The following MCU variants were observed in gnomAD, a reference collection of about 807,000 sequenced individuals.
MCU encodes calcium uniporter protein, mitochondrial.
In MCU, 12 loss-of-function variants were observed where a neutral mutation model predicts 45.2. The ratio of observed to expected loss-of-function variants is 0.27; its 90% CI spans 0.17 to 0.43. The LOEUF is 0.43. Among genes scored for constraint, MCU ranks in the 20% least tolerant of loss-of-function variants. The pLI, the probability that MCU is intolerant of heterozygous loss-of-function variation, is 1.00. For missense variants in MCU, 324 were observed against 436.7 expected (o/e 0.74, Z 2.30); for synonymous variants, 160 against 165.1 (o/e 0.97, Z 0.24).
At chr10:72,794,120 A>G (rs1180594200) in intron 1 of MCU, among the ~76,000 whole-genome samples, 1 of 152,140 alleles carries the variant, frequency 6.6e-6, no homozygotes, top group Non-Finnish European at 1.5e-5. Context: ...TTTTTTAATT[A>G]AAAAAATAAA....
Position 72,860,540 on chromosome 10 carries a change from C to G in MCU, c.496+13C>G. On this transcript the variant is annotated intron_variant, in intron 4 of 7. Coordinates refer to ENST00000373053, the MANE Select transcript of MCU (RefSeq NM_138357.3). ...CCACCAAAAAGAGGTAAAATAGTAACCTTGGTAAGGTCACAGAAATGTGGG... is the reference window on the plus strand; with the variant it reads ...CCACCAAAAAGAGGTAAAATAGTAAGCTTGGTAAGGTCACAGAAATGTGGG... 1 of 1,596,510 alleles carries G rather than the reference C, an allele frequency of 6.3e-7. No homozygotes were observed.
intron 1 of MCU, among the ~76,000 whole-genome samples, chr10:72,831,313 G>A (rs1204846368): frequency 1.3e-5 from 2 of 152,078 alleles, no homozygotes; most frequent in African/African-American, 4.8e-5. Context: ...TAGATACGTA[G>A]GTTAGAGCGA....
intron 1 of MCU, among the ~76,000 whole-genome samples, chr10:72,740,017 A>G (rs982985341): frequency 7.2e-5 from 11 of 151,896 alleles, no homozygotes; most frequent in Non-Finnish European, 8.8e-5. Flanking sequence ...GATCCCATCA[A>G]TCATTGTCTT....
chr10:72,763,395 G>C (rs1291372925), intron 1 of MCU, among the ~76,000 whole-genome samples: 1 of 152,102 alleles, frequency 6.6e-6, no homozygotes, highest in African/African-American at 2.4e-5. Context: ...GGGTGAAGCG[G>C]GAGTATGAGT....
At chr10:72,758,611 T>G (rs1017423651) in intron 1 of MCU, among the ~76,000 whole-genome samples, 7 of 152,170 alleles carry the variant, frequency 4.6e-5, no homozygotes, top group Non-Finnish European at 1.0e-4. Flanking sequence ...TTAATTTACT[T>G]CAGGCTGCTT....
chr10:72,692,736 T>TGTGCCAGGAGAGTGGCA, intron 1 of MCU: 1 of 1,285,426 alleles, frequency 7.8e-7, no homozygotes. Context: ...CCGCCTTGTG[T>TGTGCCAGGAGAGTGGCA]GTGCCAGGAG....
At chr10:72,804,957 G>C (rs986468424) in intron 1 of MCU, among the ~76,000 whole-genome samples, 6 of 151,938 alleles carry the variant, frequency 3.9e-5, no homozygotes, top group Non-Finnish European at 8.8e-5. Context: ...TTTTTGTAGA[G>C]ATGAGGATTT....
At chr10:72,840,217 T>C (rs1001313041) in intron 2 of MCU, among the ~76,000 whole-genome samples, 4 of 152,214 alleles carry the variant, frequency 2.6e-5, no homozygotes, top group Non-Finnish European at 5.9e-5. Flanking sequence ...CAATCTTGAT[T>C]ATAGACACTC....
intron 1 of MCU, among the ~76,000 whole-genome samples, chr10:72,813,708 C>T (rs1844581471): frequency 6.6e-6 from 1 of 152,094 alleles, no homozygotes; most frequent in Non-Finnish European, 1.5e-5. Context: ...ATCTGCCCGC[C>T]TCAGCCTCCC....
intron 6 of MCU, among the ~76,000 whole-genome samples, chr10:72,879,721 C>A (rs1176541645): frequency 1.3e-5 from 2 of 152,062 alleles, no homozygotes; most frequent in East Asian, 3.9e-4. Flanking sequence ...ATAATAAACT[C>A]TTATGGAATT....
intron 1 of MCU, among the ~76,000 whole-genome samples, chr10:72,749,146 A>G (rs779191254): frequency 3.3e-5 from 5 of 151,130 alleles, no homozygotes; most frequent in Non-Finnish European, 7.4e-5. Flanking sequence ...TTTGCCAGTC[A>G]TGGTGGCACA....
chr10:72,711,049 G>C (rs551452653), intron 1 of MCU, among the ~76,000 whole-genome samples: 2 of 151,650 alleles, frequency 1.3e-5, no homozygotes, highest in Non-Finnish European at 2.9e-5. Flanking sequence ...CATGGTGGTG[G>C]GCGCCTGTAA....
rs111775405 is a variant in MCU, at chr10:72,819,525, G to A, written c.151-14834G>A. On this transcript the variant is annotated intron_variant, in intron 1 of 7. Transcript: ENST00000373053. The stretch of plus-strand genomic sequence containing the variant: ...CAAGGGGAAAGTTTTTACATTCAAG[G>A]AGCTTACAATATTCTAAGTATTTAT... 7.2e-4 allele frequency among the ~76,000 whole-genome samples: 109 copies of A among 152,138 alleles called. 1 individual carries two copies. The Middle Eastern group carries it at 0.014, about 19-fold the overall frequency.
At chr10:72,823,798 G>A (rs141072551) in intron 1 of MCU, among the ~76,000 whole-genome samples, 488 of 152,246 alleles carry the variant, frequency 3.2e-3, no homozygotes, top group African/African-American at 0.011. Flanking sequence ...AGTGCCTCAC[G>A]GCTGTAATCC....
At chr10:72,703,640 C>A (rs1842784391) in intron 1 of MCU, among the ~76,000 whole-genome samples, 1 of 152,128 alleles carries the variant, frequency 6.6e-6, no homozygotes, top group African/African-American at 2.4e-5. Flanking sequence ...CATGGTGGCT[C>A]ACACCTGTAA....
At chr10:72,720,393 C>A (rs183503574) in intron 1 of MCU, among the ~76,000 whole-genome samples, 1 of 152,170 alleles carries the variant, frequency 6.6e-6, no homozygotes, top group Non-Finnish European at 1.5e-5. Flanking sequence ...CCAGTTGTAA[C>A]CTCTGTCTCC....
At chr10:72,864,616 A>G (rs1262738404) in intron 4 of MCU, among the ~76,000 whole-genome samples, 1 of 152,174 alleles carries the variant, frequency 6.6e-6, no homozygotes, top group Non-Finnish European at 1.5e-5. Flanking sequence ...TTCATTAATT[A>G]TGTTATTGGT....
At chr10:72,843,256 T>C (rs1845072772) in intron 2 of MCU, among the ~76,000 whole-genome samples, 1 of 152,216 alleles carries the variant, frequency 6.6e-6, no homozygotes, top group Non-Finnish European at 1.5e-5. Context: ...TGTTATAGTA[T>C]CACACAGAGG....
rs1254784560 is a variant in MCU at position 72,705,583 on chromosome 10, T to G, written c.150+13282T>G. On this transcript the variant is annotated intron_variant, in intron 1 of 7. Coordinates refer to ENST00000373053, the MANE Select transcript of MCU (RefSeq NM_138357.3). Reference sequence around the variant, plus strand: ...CTGTAATCCCAGCACTTTGGGAGGCTGAGGCGGGCGGATCACCTAAAGTCG... The same window carrying G: ...CTGTAATCCCAGCACTTTGGGAGGCGGAGGCGGGCGGATCACCTAAAGTCG... Among the ~76,000 whole-genome samples the G allele has an allele frequency of 5.9e-5, 9 of 152,130 alleles. No homozygotes were observed. The South Asian group carries it at 6.2e-4, about 10-fold the overall frequency.
Sources: allele counts gnomAD v4.1 joint callset (sites outside exome capture counted in the v4.1 genomes callset), GRCh38; gene constraint gnomAD v4.1.1; transcripts MANE v1.5; gene names NCBI Gene and HGNC (gene_info 2026-07-23, HGNC 2026-07-21).